CSMD1: variants seen among roughly 807,000 people sequenced by gnomAD.
The protein encoded by CSMD1 is CUB and sushi domain-containing protein 1.
Under a neutral mutation model 417.5 loss-of-function variants are expected in CSMD1, and 213 were observed. The observed-to-expected ratio is 0.51, with a 90% CI of 0.46 to 0.57. The LOEUF is 0.57. Among genes scored for constraint, CSMD1 ranks in the 20% least tolerant of loss-of-function variants. The probability of loss-of-function intolerance (pLI) is 0.00; values close to 1 mark genes in which losing one functional copy is unlikely to be tolerated. For missense variants in CSMD1, 6,923 were observed against 4,529.7 expected (o/e 1.53, Z -15.17); for synonymous variants, 2,862 against 1,736.8 (o/e 1.65, Z -16.11).
chr8:4,803,817 A>G (rs972490011), intron 1 of CSMD1, among the ~76,000 whole-genome samples: 1 of 152,200 alleles, frequency 6.6e-6, no homozygotes, highest in Admixed American at 6.5e-5. Context: ...TTGAGCTCAT[A>G]GAATATCCTT....
At chr8:4,263,796 G>T (rs1804049972) in intron 3 of CSMD1, among the ~76,000 whole-genome samples, 1 of 152,038 alleles carries the variant, frequency 6.6e-6, no homozygotes, top group African/African-American at 2.4e-5. Context: ...ATTGTGACTG[G>T]CTCACCTAAA....
intron 65 of CSMD1, among the ~76,000 whole-genome samples, chr8:2,953,453 CAA>C (rs35592012): frequency 3.6e-5 from 4 of 111,700 alleles, no homozygotes; most frequent in Admixed American, 9.0e-5. Flanking sequence ...AGCTTATGTC[CAA>C]AAAAAAAAAA....
At position 3,679,524 on chromosome 8, in the gene CSMD1, G is replaced by A. The variant is rs141629200; in HGVS notation, c.1009+28890C>T. 2.1e-3 allele frequency among the ~76,000 whole-genome samples: 320 copies of A among 152,228 alleles called. 1 individual carries two copies. The highest frequency in any genetic ancestry group is 7.5e-3 in the African/African-American group (313 of 41,536). ...TATTCACCCAATACAGGAGCACCCA[G>A]ATTCATAAAGCAAGTCCTTAGAGAC... On this transcript the variant is annotated intron_variant, in intron 7 of 69. Transcript: ENST00000635120.
At chr8:4,780,204 G>A (rs552649543) in intron 1 of CSMD1, among the ~76,000 whole-genome samples, 13 of 152,228 alleles carry the variant, frequency 8.5e-5, no homozygotes, top group Admixed American at 8.5e-4. Context: ...GGGATTATGT[G>A]TAAAAATGCA....
intron 2 of CSMD1, among the ~76,000 whole-genome samples, chr8:4,474,727 C>G (rs962573992): frequency 6.6e-6 from 1 of 152,172 alleles, no homozygotes; most frequent in Non-Finnish European, 1.5e-5. Context: ...TCTTCTCCCT[C>G]TGCCATCCGG....
At chr8:4,064,780 G>C (rs1158157054) in intron 3 of CSMD1, among the ~76,000 whole-genome samples, 1 of 152,054 alleles carries the variant, frequency 6.6e-6, no homozygotes, top group Non-Finnish European at 1.5e-5. Flanking sequence ...AGTCCATTTA[G>C]AAACAGCCTT....
intron 2 of CSMD1, among the ~76,000 whole-genome samples, chr8:4,586,916 T>A (rs1799728273): frequency 6.6e-6 from 1 of 152,190 alleles, no homozygotes; most frequent in Non-Finnish European, 1.5e-5. Flanking sequence ...GTTTGATGAA[T>A]AAATAAATGA....
rs963038522 is a variant in CSMD1 at position 3,839,556 on chromosome 8, T to C, written c.819-85514A>G. Among the ~76,000 whole-genome samples the C allele has an allele frequency of 2.6e-3, 256 of 99,276 alleles. 1 individual carries two copies. Among genetic ancestry groups the C allele is most frequent in the African/African-American group, 8.3e-3 (242 of 29,314 alleles). 65.1% of individuals were successfully genotyped at this position (99,276 alleles called of 152,430 possible). ...TAAGATTTTATATATTATATATATA[T>C]TATAATATATAATATTAATTTATTA... is the stretch of plus-strand genomic sequence containing the variant. On this transcript the variant is annotated intron_variant, in intron 5 of 69. Transcript: ENST00000635120.
chr8:3,287,616 C>T (rs555313559), intron 25 of CSMD1, among the ~76,000 whole-genome samples: 2 of 151,990 alleles, frequency 1.3e-5, no homozygotes, highest in Admixed American at 6.6e-5. Context: ...CTGTTATTGG[C>T]ATATGAGAAT....
chr8:3,231,181 G>A (rs773524012), intron 26 of CSMD1, among the ~76,000 whole-genome samples: 1 of 152,118 alleles, frequency 6.6e-6, no homozygotes, highest in South Asian at 2.1e-4. Flanking sequence ...TGTGTATTAT[G>A]TGTCGCACTG....
At chr8:3,727,202 T>A (rs916966523) in intron 6 of CSMD1, among the ~76,000 whole-genome samples, 5 of 152,232 alleles carry the variant, frequency 3.3e-5, no homozygotes, top group African/African-American at 9.6e-5. Flanking sequence ...AATTTTAAAT[T>A]GTGTTTATTT....
At chr8:4,913,227 A>T (rs1416992173) in intron 1 of CSMD1, among the ~76,000 whole-genome samples, 1 of 152,188 alleles carries the variant, frequency 6.6e-6, no homozygotes, top group African/African-American at 2.4e-5. Flanking sequence ...GGTACATCCC[A>T]AACTCCGTCA....
intron 4 of CSMD1, among the ~76,000 whole-genome samples, chr8:4,018,362 G>A (rs1461387747): frequency 2.0e-5 from 3 of 152,144 alleles, no homozygotes; most frequent in Non-Finnish European, 2.9e-5. Context: ...ATAATGCCGA[G>A]GAGCTGCCAT....
At position 4,950,989 on chromosome 8, in the gene CSMD1, C is replaced by CAA. The variant is rs200081305; in HGVS notation, c.85+43341_85+43342dup. On this transcript the variant is annotated intron_variant, in intron 1 of 69. Transcript: ENST00000635120. ...AAAAAAACAAAAACAAAAACAAAAACAAACAAACAAAAAAAATTAATAGAG... is the reference window on the plus strand; with the variant it reads ...AAAAAAACAAAAACAAAAACAAAAACAAAAACAAACAAAAAAAATTAATAGAG... Among the ~76,000 whole-genome samples the CAA allele has an allele frequency of 9.2e-3, 304 of 33,064 alleles. 1 individual carries two copies. The highest frequency in any genetic ancestry group is 0.026 in the African/African-American group (281 of 10,798). The allele number at this position is 33,064 out of a possible 152,430, so 21.7% of individuals were successfully genotyped here. A position where few individuals can be genotyped will look rare whatever the true frequency, so the allele number is the denominator to read the frequency against.
chr8:3,869,447 C>T (rs143610337), intron 5 of CSMD1, among the ~76,000 whole-genome samples: 27 of 152,296 alleles, frequency 1.8e-4, no homozygotes, highest in African/African-American at 3.9e-4. Context: ...CTTCATAAAG[C>T]GTGTCTCACC....
At chr8:4,894,044 T>C (rs935155879) in intron 1 of CSMD1, among the ~76,000 whole-genome samples, 2 of 152,144 alleles carry the variant, frequency 1.3e-5, no homozygotes, top group Admixed American at 1.3e-4. Context: ...TTATTTTGTT[T>C]AAGTTGTATT....
rs75311763 is a variant in CSMD1, at chr8:4,359,660, G to C, written c.415+60293C>G. Reference sequence around the variant, plus strand: ...CATGCTCCCCTTGCAAATGTGTGTGGTTGATTCTGGGTATGAATCCTCAGC... The same window carrying C: ...CATGCTCCCCTTGCAAATGTGTGTGCTTGATTCTGGGTATGAATCCTCAGC... On this transcript the variant is annotated intron_variant, in intron 3 of 69. Coordinates refer to ENST00000635120, the MANE Select transcript of CSMD1 (RefSeq NM_033225.6). Among the ~76,000 whole-genome samples the C allele has an allele frequency of 3.4e-3, 519 of 152,280 alleles. 26 individuals are homozygous for C. The East Asian group carries it at 0.086, about 25-fold the overall frequency.
At chr8:4,807,028 C>T (rs907345421) in intron 1 of CSMD1, among the ~76,000 whole-genome samples, 1 of 152,172 alleles carries the variant, frequency 6.6e-6, no homozygotes, top group African/African-American at 2.4e-5. Flanking sequence ...ACTACCTCAT[C>T]ATCTCAAAAT....
At chr8:3,558,513 C>T (rs1287720376) in intron 10 of CSMD1, among the ~76,000 whole-genome samples, 3 of 149,578 alleles carry the variant, frequency 2.0e-5, no homozygotes, top group African/African-American at 7.5e-5. Flanking sequence ...TCAATGGTAC[C>T]CCATGTCGAC....
Sources: gnomAD v4.1 joint callset for allele counts (sites outside exome capture counted in the v4.1 genomes callset) on GRCh38, gnomAD v4.1.1 for gene constraint, MANE v1.5 for transcripts, NCBI Gene and HGNC (gene_info 2026-07-23, HGNC 2026-07-21) for gene names.